Variants in DLG2 observed in about 807,000 individuals in gnomAD.
The protein encoded by DLG2 is discs large MAGUK scaffold protein 2.
Under a neutral mutation model 132.5 loss-of-function variants are expected in DLG2, and 45 were observed. The ratio of observed to expected loss-of-function variants is 0.34; its 90% CI spans 0.27 to 0.44. DLG2 has a LOEUF of 0.44. Among genes scored for constraint, DLG2 ranks in the 20% least tolerant of loss-of-function variants. DLG2 has a pLI of 1.00. For synonymous variants in DLG2, 424 were observed against 419.6 expected, an observed-to-expected ratio of 1.01 and a Z score of -0.13; for missense variants, 1,045 against 1,196.9, an observed-to-expected ratio of 0.87 and a Z score of 1.87.
chr11:84,975,806 G>C (rs1193962584), intron 6 of DLG2, among the ~76,000 whole-genome samples: 1 of 152,140 alleles, frequency 6.6e-6, no homozygotes, highest in Non-Finnish European at 1.5e-5. Flanking sequence ...TGGTCCTCCA[G>C]CTTCTGCATC....
At chr11:84,851,741 C>G (rs1484623034) in intron 6 of DLG2, among the ~76,000 whole-genome samples, 1 of 151,806 alleles carries the variant, frequency 6.6e-6, no homozygotes, top group Non-Finnish European at 1.5e-5. Flanking sequence ...TTTTTAAATA[C>G]AGAGATAATA....
chr11:85,623,606 G>A (rs1488385147), intron 2 of DLG2, among the ~76,000 whole-genome samples: 3 of 152,028 alleles, frequency 2.0e-5, no homozygotes, highest in Admixed American at 2.0e-4. Flanking sequence ...CCTGGCAATA[G>A]GACAATTTTT....
chr11:84,001,032 A>C (rs2094318899), intron 11 of DLG2, among the ~76,000 whole-genome samples: 1 of 152,122 alleles, frequency 6.6e-6, no homozygotes, highest in Non-Finnish European at 1.5e-5. Flanking sequence ...TAAAGGAACA[A>C]AGAACATACA....
chr11:85,473,373 TTAAA>T (rs2093045779), intron 3 of DLG2, among the ~76,000 whole-genome samples: 1 of 152,140 alleles, frequency 6.6e-6, no homozygotes, highest in Non-Finnish European at 1.5e-5. Flanking sequence ...TTTTGCCCAG[TTAAA>T]TAATTATTCA....
intron 8 of DLG2, among the ~76,000 whole-genome samples, chr11:84,217,583 T>C (rs373494575): frequency 7.2e-5 from 11 of 152,294 alleles, no homozygotes; most frequent in South Asian, 6.2e-4. Flanking sequence ...CAACCATCAA[T>C]AGCACACTAA....
At chr11:84,006,538 T>A (rs978817380) in intron 11 of DLG2, among the ~76,000 whole-genome samples, 1 of 151,450 alleles carries the variant, frequency 6.6e-6, no homozygotes, top group Non-Finnish European at 1.5e-5. Context: ...CTTAAGTATT[T>A]AATACTTAAG....
chr11:84,063,975 C>A, intron 10 of DLG2, among the ~76,000 whole-genome samples: 1 of 101,072 alleles, frequency 9.9e-6, no homozygotes, highest in Non-Finnish European at 2.0e-5. Flanking sequence ...GGGTGGGGGG[C>A]TGGGGGAGGG....
intron 7 of DLG2, among the ~76,000 whole-genome samples, chr11:84,417,073 G>T (rs2098932216): frequency 6.6e-6 from 1 of 152,182 alleles, no homozygotes; most frequent in African/African-American, 2.4e-5. Flanking sequence ...CAGCTAGTTG[G>T]TGAACAGCAA....
At chr11:83,651,813 C>T (rs1566304671) in intron 18 of DLG2, 1 of 470,940 alleles carries the variant, frequency 2.1e-6, no homozygotes, top group Non-Finnish European at 4.4e-6. Flanking sequence ...TAGAGGATTA[C>T]AGCATGTGAA....
chr11:84,648,424 C>T (rs899201076), intron 6 of DLG2, among the ~76,000 whole-genome samples: 9 of 152,102 alleles, frequency 5.9e-5, no homozygotes, highest in East Asian at 3.9e-4. Flanking sequence ...AAAATTTGTG[C>T]GAGAAATTGA....
At chr11:84,832,843 G>A (rs1476006677) in intron 6 of DLG2, among the ~76,000 whole-genome samples, 1 of 151,384 alleles carries the variant, frequency 6.6e-6, no homozygotes, top group African/African-American at 2.4e-5. Flanking sequence ...GATTATATCC[G>A]TGGCATTTAA....
At chr11:83,866,076 C>T (rs1396399059) in intron 16 of DLG2, among the ~76,000 whole-genome samples, 1 of 151,926 alleles carries the variant, frequency 6.6e-6, no homozygotes, top group Non-Finnish European at 1.5e-5. Context: ...CACAGTCCCC[C>T]CTTTTTTTTT....
chr11:84,166,522 A>AAAAGAAAAG (rs2095668948), intron 8 of DLG2, among the ~76,000 whole-genome samples: 1 of 141,500 alleles, frequency 7.1e-6, no homozygotes, highest in Admixed American at 7.1e-5. Context: ...AAAAAAAAAG[A>AAAAGAAAAG]AAAGAAAGAA....
At chr11:84,821,365 G>A (rs753697269) in intron 6 of DLG2, among the ~76,000 whole-genome samples, 62 of 151,734 alleles carry the variant, frequency 4.1e-4, no homozygotes, top group South Asian at 1.0e-3. Flanking sequence ...TGTCTCCATC[G>A]TAACTGTTCT....
chr11:83,998,868 C>G (rs982963964), intron 11 of DLG2, among the ~76,000 whole-genome samples: 2 of 152,098 alleles, frequency 1.3e-5, no homozygotes, highest in Non-Finnish European at 2.9e-5. Flanking sequence ...TGGGTCTGAG[C>G]CATAAGGAAG....
intron 15 of DLG2, among the ~76,000 whole-genome samples, chr11:83,884,341 C>G (rs1360575128): frequency 4.6e-5 from 7 of 152,206 alleles, no homozygotes; most frequent in Non-Finnish European, 8.8e-5. Flanking sequence ...TCACTGATTG[C>G]TAGCACAGCA....
At chr11:83,537,889 T>C (rs1205017543) in intron 20 of DLG2, among the ~76,000 whole-genome samples, 2 of 135,764 alleles carry the variant, frequency 1.5e-5, no homozygotes, top group African/African-American at 5.5e-5. Context: ...ATACACTACA[T>C]AATCTCAGAA....
intron 7 of DLG2, among the ~76,000 whole-genome samples, chr11:84,442,029 T>C (rs1046535538): frequency 6.6e-6 from 1 of 152,218 alleles, no homozygotes; most frequent in Non-Finnish European, 1.5e-5. Flanking sequence ...AGTCTTATAG[T>C]ATAGTTTGAA....
At chr11:85,028,373 C>G (rs1415469842) in intron 6 of DLG2, among the ~76,000 whole-genome samples, 1 of 152,206 alleles carries the variant, frequency 6.6e-6, no homozygotes, top group Non-Finnish European at 1.5e-5. Flanking sequence ...AGTTGACAGC[C>G]TGGCCCCCAT....
Sources: allele counts gnomAD v4.1 joint callset (sites outside exome capture counted in the v4.1 genomes callset), GRCh38; gene constraint gnomAD v4.1.1; transcripts MANE v1.5; gene names NCBI Gene and HGNC (gene_info 2026-07-23, HGNC 2026-07-21).